Variants in GLIS3 observed in about 807,000 individuals in gnomAD.
GLIS3 encodes the protein zinc finger protein GLIS3.
In GLIS3, 53 loss-of-function variants were observed where a neutral mutation model predicts 78.6. That is an observed-to-expected ratio of 0.67 (90% CI 0.54 to 0.85). The LOEUF is 0.85. GLIS3 is among the 40% of genes least tolerant of loss of function. The probability of loss-of-function intolerance (pLI) is 0.00; values close to 1 mark genes in which losing one functional copy is unlikely to be tolerated. For missense variants in GLIS3, 1,703 were observed against 1,231.1 expected (o/e 1.38, Z -5.74); for synonymous variants, 684 against 509.9 (o/e 1.34, Z -4.60).
chr9:4,320,293 G>A (rs1001928448), intron 2 of GLIS3, among the ~76,000 whole-genome samples: 7 of 152,210 alleles, frequency 4.6e-5, no homozygotes, highest in Non-Finnish European at 1.0e-4. Context: ...TTTGTGAGCT[G>A]ACTTTTGGAT....
At chr9:4,385,079 T>G in the GLIS3 span, among the ~76,000 whole-genome samples, 1 of 152,246 alleles carries the variant, frequency 6.6e-6, no homozygotes, top group South Asian at 2.1e-4. Context: ...AAGTGTGTTT[T>G]GAATTTCTTA....
At chr9:4,419,733 T>C in the GLIS3 span, among the ~76,000 whole-genome samples, 526 of 152,064 alleles carry the variant, frequency 3.5e-3, 1 homozygote, top group Admixed American at 7.1e-3. Context: ...TGAGCCGAGA[T>C]CACGCCACTG....
intron 8 of GLIS3, among the ~76,000 whole-genome samples, chr9:3,865,244 T>C (rs1347715081): frequency 6.6e-6 from 1 of 152,172 alleles, no homozygotes; most frequent in Non-Finnish European, 1.5e-5. Flanking sequence ...CTCACCTCCA[T>C]ACTCTCCTTA....
the GLIS3 span, among the ~76,000 whole-genome samples, chr9:4,477,414 G>T: frequency 6.6e-6 from 1 of 151,558 alleles, no homozygotes; most frequent in South Asian, 2.1e-4. Context: ...GTGTTTTGGG[G>T]GGGCTGGGTT....
intron 4 of GLIS3, among the ~76,000 whole-genome samples, chr9:4,006,874 T>C (rs1342635903): frequency 2.6e-5 from 4 of 152,218 alleles, no homozygotes; most frequent in Non-Finnish European, 5.9e-5. Flanking sequence ...GGTGCTGCTG[T>C]ACTCAGCAAT....
At chr9:4,028,505 G>C (rs555906453) in intron 4 of GLIS3, among the ~76,000 whole-genome samples, 3 of 152,038 alleles carry the variant, frequency 2.0e-5, no homozygotes, top group Non-Finnish European at 2.9e-5. Flanking sequence ...GGTTATTGAG[G>C]TATAACATTC....
rs780265163 is a variant in GLIS3, at chr9:3,977,462, G to A, written c.1711-40273C>T. On this transcript the variant is annotated intron_variant, in intron 4 of 10. Transcript: ENST00000381971. This position sits in a 1 kb window ranked among gnomAD's most constrained non-coding sequence, Gnocchi z 4.1. Reference sequence around the variant, plus strand: ...TAAAAAGACTAATGAGAGCTGCTCGGTAAGAAAAGAAAAGATTTATTGAAT... The same window carrying A: ...TAAAAAGACTAATGAGAGCTGCTCGATAAGAAAAGAAAAGATTTATTGAAT... Among the ~76,000 whole-genome samples the A allele has an allele frequency of 6.6e-6, 1 of 152,168 alleles. No individual in the cohort carries two copies. Among genetic ancestry groups the A allele is most frequent in the Non-Finnish European group, 1.5e-5 (1 of 68,012 alleles).
intron 4 of GLIS3, among the ~76,000 whole-genome samples, chr9:4,016,591 G>C (rs1046284031): frequency 6.6e-6 from 1 of 152,128 alleles, no homozygotes; most frequent in Non-Finnish European, 1.5e-5. Context: ...CCTCTGCCTT[G>C]AGATTTCTGA....
At chr9:4,207,679 G>A (rs1238905965) in intron 2 of GLIS3, among the ~76,000 whole-genome samples, 1 of 152,096 alleles carries the variant, frequency 6.6e-6, no homozygotes, top group Non-Finnish European at 1.5e-5. Context: ...CTGCATCGCA[G>A]ATGAGAAAAA....
chr9:4,229,399 T>G (rs1241808339), intron 2 of GLIS3, among the ~76,000 whole-genome samples: 1 of 152,256 alleles, frequency 6.6e-6, no homozygotes, highest in Non-Finnish European at 1.5e-5. Flanking sequence ...TGTCTAACTT[T>G]GGTTGGTTAG....
the GLIS3 span, among the ~76,000 whole-genome samples, chr9:4,440,400 G>C: frequency 6.6e-6 from 1 of 152,066 alleles, no homozygotes; most frequent in South Asian, 2.1e-4. Flanking sequence ...TCTGCCTGTG[G>C]ATATCCTGTT....
the GLIS3 span, among the ~76,000 whole-genome samples, chr9:4,456,751 C>G: frequency 6.6e-6 from 1 of 152,096 alleles, no homozygotes; most frequent in Non-Finnish European, 1.5e-5. Flanking sequence ...TGTTGTGTTT[C>G]AGGGAATTGG....
chr9:4,145,615 G>T (rs1307142653), intron 2 of GLIS3, among the ~76,000 whole-genome samples: 1 of 152,030 alleles, frequency 6.6e-6, no homozygotes, highest in African/African-American at 2.4e-5. Flanking sequence ...GACTTTTACA[G>T]CCCGACTCTG....
intron 4 of GLIS3, among the ~76,000 whole-genome samples, chr9:3,968,294 A>G (rs1818112413): frequency 6.6e-6 from 1 of 152,160 alleles, no homozygotes; most frequent in Admixed American, 6.5e-5. Flanking sequence ...GATACGGTAA[A>G]TGCTTAGATT....
the GLIS3 span, among the ~76,000 whole-genome samples, chr9:4,443,026 G>A: frequency 1.3e-5 from 2 of 152,130 alleles, no homozygotes; most frequent in African/African-American, 4.8e-5. Flanking sequence ...CACCTCCCAA[G>A]TCAAGCATTT....
chr9:4,439,689 T>C, the GLIS3 span, among the ~76,000 whole-genome samples: 7 of 152,220 alleles, frequency 4.6e-5, no homozygotes, highest in African/African-American at 9.6e-5. Context: ...TTTGTTCTTT[T>C]TGAGACAGAG....
At chr9:3,942,260 T>C (rs1304121449) in intron 4 of GLIS3, among the ~76,000 whole-genome samples, 1 of 152,198 alleles carries the variant, frequency 6.6e-6, no homozygotes, top group Admixed American at 6.5e-5. Context: ...AATTAAGGCT[T>C]AGTGTTTGTG....
At chr9:4,265,166 C>T (rs537097781) in intron 2 of GLIS3, among the ~76,000 whole-genome samples, 5 of 122,206 alleles carry the variant, frequency 4.1e-5, no homozygotes, top group East Asian at 2.6e-4. Flanking sequence ...AGTGAGACGC[C>T]GTCTCAAAAA....
chr9:4,034,996 G>A (rs935488559), intron 4 of GLIS3: 5 of 152,078 alleles, frequency 3.3e-5, no homozygotes, highest in African/African-American at 7.2e-5. Context: ...ATTGCTAAGC[G>A]AGCCAGGACA....
Sources: allele counts gnomAD v4.1 joint callset (sites outside exome capture counted in the v4.1 genomes callset), GRCh38; gene constraint gnomAD v4.1.1; non-coding constraint Gnocchi (gnomAD v3.1); transcripts MANE v1.5; gene names NCBI Gene and HGNC (gene_info 2026-07-23, HGNC 2026-07-21).